The following ABCA13 variants were observed in gnomAD, a reference collection of about 807,000 sequenced individuals.
ABCA13 encodes ATP-binding cassette sub-family A member 13.
In ABCA13, 476 loss-of-function variants were observed where a neutral mutation model predicts 478.7. The ratio of observed to expected loss-of-function variants is 0.99; its 90% CI spans 0.92 to 1.07. The LOEUF (loss-of-function observed/expected upper bound fraction) is 1.07. ABCA13 is among the 50% of genes least tolerant of loss of function. The pLI is 0.00. For missense variants in ABCA13, 6,060 were observed against 5,910.6 expected (o/e 1.03, Z -0.83); for synonymous variants, 2,252 against 2,158.9 (o/e 1.04, Z -1.20).
chr7:48,311,670 C>T (rs1801799078), intron 24 of ABCA13, among the ~76,000 whole-genome samples: 1 of 152,168 alleles, frequency 6.6e-6, no homozygotes, highest in Admixed American at 6.5e-5. Context: ...ATGAAAATGA[C>T]ATCATCATTA....
chr7:48,219,222 C>T lies in ABCA13; in HGVS notation c.288-132C>T, dbSNP rs1786967736. 36 of 846,140 alleles carry T rather than the reference C, an allele frequency of 4.3e-5. No homozygotes were observed. The South Asian group carries it at 7.5e-4, about 18-fold the overall frequency. The allele number at this position is 846,140 out of a possible 1,614,324, so 52.4% of individuals were successfully genotyped here. On this transcript the variant is annotated intron_variant, in intron 3 of 61. Coordinates refer to ENST00000435803, the MANE Select transcript of ABCA13 (RefSeq NM_152701.5). ...ATGAGGGTCAGGTGAAATGGGCTCT[C>T]AGGGTAGATGATGAGAGTGTAAGTT...
intron 27 of ABCA13, among the ~76,000 whole-genome samples, chr7:48,334,488 C>T (rs1805914861): frequency 6.6e-6 from 1 of 152,126 alleles, no homozygotes; most frequent in African/African-American, 2.4e-5. Context: ...GTGCCTGCCA[C>T]CGTGCCCGGC....
intron 32 of ABCA13, among the ~76,000 whole-genome samples, chr7:48,370,263 A>G (rs1330161858): frequency 6.6e-6 from 1 of 152,168 alleles, no homozygotes; most frequent in African/African-American, 2.4e-5. Flanking sequence ...ACTTTGCTGA[A>G]TTTATTTATC....
intron 55 of ABCA13, among the ~76,000 whole-genome samples, chr7:48,539,559 T>C (rs1441770151): frequency 6.6e-6 from 1 of 152,178 alleles, no homozygotes; most frequent in Non-Finnish European, 1.5e-5. Context: ...CCTCAGAAAG[T>C]GACAGATTAG....
intron 5 of ABCA13, among the ~76,000 whole-genome samples, chr7:48,226,786 T>A (rs934883113): frequency 3.3e-5 from 5 of 152,168 alleles, no homozygotes. Context: ...ATCCAAAGGC[T>A]CTATACTATG....
intron 16 of ABCA13, among the ~76,000 whole-genome samples, chr7:48,270,842 A>G (rs907470281): frequency 2.0e-5 from 3 of 152,208 alleles, no homozygotes; most frequent in African/African-American, 7.2e-5. Flanking sequence ...ATAAAGGTCA[A>G]AAATTCCTTA....
chr7:48,224,342 G>A (rs917602830), intron 5 of ABCA13, among the ~76,000 whole-genome samples: 16 of 152,172 alleles, frequency 1.1e-4, no homozygotes, highest in Non-Finnish European at 1.6e-4. Flanking sequence ...CTTGTTCCAG[G>A]AAACATCTCA....
At position 48,472,494 on chromosome 7, in the gene ABCA13, G is replaced by A. The variant is rs143773957; in HGVS notation, c.12975+895G>A. On this transcript the variant is annotated intron_variant, in intron 45 of 61. Coordinates refer to ENST00000435803, the MANE Select transcript of ABCA13 (RefSeq NM_152701.5). ...AACAAAAAAGAAGCTCAAGTGAAAT[G>A]GCCTTATTGTCTAGGGTGTCAAATG... 5.9e-3 allele frequency among the ~76,000 whole-genome samples: 902 copies of A among 152,262 alleles called. 10 individuals carry two copies. Among genetic ancestry groups the A allele is most frequent in the Admixed American group, 0.025 (384 of 15,300 alleles).
intron 38 of ABCA13, among the ~76,000 whole-genome samples, chr7:48,393,181 G>A (rs1350061713): frequency 1.3e-5 from 2 of 152,202 alleles, no homozygotes; most frequent in African/African-American, 4.8e-5. Context: ...GGATTGGAGG[G>A]GAAGTGGAGC....
intron 15 of ABCA13, among the ~76,000 whole-genome samples, chr7:48,262,219 C>G (rs1408933724): frequency 6.6e-6 from 1 of 151,922 alleles, no homozygotes; most frequent in East Asian, 1.9e-4. Flanking sequence ...TTACTGGAAG[C>G]TCTGTATCAG....
intron 51 of ABCA13, among the ~76,000 whole-genome samples, chr7:48,515,954 C>T (rs1028846443): frequency 5.9e-5 from 9 of 152,080 alleles, no homozygotes; most frequent in African/African-American, 1.9e-4. Context: ...GCCACAGAGC[C>T]GACAAGTTCA....
intron 42 of ABCA13, among the ~76,000 whole-genome samples, chr7:48,446,027 C>A (rs1250118409): frequency 6.6e-6 from 1 of 152,180 alleles, no homozygotes; most frequent in African/African-American, 2.4e-5. Context: ...GTTGGCCACA[C>A]TGATGTGGCC....
intron 59 of ABCA13, among the ~76,000 whole-genome samples, chr7:48,617,766 C>T (rs1045466633): frequency 2.0e-5 from 3 of 152,150 alleles, no homozygotes; most frequent in Non-Finnish European, 4.4e-5. Flanking sequence ...TCAGCAAATT[C>T]GCCCGTGACA....
At chr7:48,572,776 T>G (rs1787802290) in intron 55 of ABCA13, among the ~76,000 whole-genome samples, 1 of 152,164 alleles carries the variant, frequency 6.6e-6, no homozygotes, top group Non-Finnish European at 1.5e-5. Context: ...GAAAATTGTT[T>G]CCAGCCTGTT....
In ABCA13 at chr7:48,543,493, G is replaced by A. The variant is rs146287159; in HGVS notation, c.14354+15148G>A. Among the ~76,000 whole-genome samples, 946 of 151,462 alleles carry A rather than the reference G, an allele frequency of 6.2e-3. 15 individuals carry two copies. Among genetic ancestry groups the A allele is most frequent in the African/African-American group, 0.022 (902 of 41,408 alleles). On this transcript the variant is annotated intron_variant, in intron 55 of 61. Coordinates refer to ENST00000435803, the MANE Select transcript of ABCA13 (RefSeq NM_152701.5). ...ACAAAAATTGGCTGAGCATGGTGGT[G>A]GGCACCTGTAATCCCAACTACTCGG... is the stretch of plus-strand genomic sequence containing the variant.
chr7:48,210,042 A>G (rs1055580246), intron 3 of ABCA13, among the ~76,000 whole-genome samples: 1 of 152,176 alleles, frequency 6.6e-6, no homozygotes, highest in Non-Finnish European at 1.5e-5. Context: ...TTTAAGATGC[A>G]TACTGTATTA....
intron 43 of ABCA13, among the ~76,000 whole-genome samples, chr7:48,457,680 C>T (rs1825821714): frequency 6.6e-6 from 1 of 152,188 alleles, no homozygotes; most frequent in Non-Finnish European, 1.5e-5. Context: ...CAGAGACATT[C>T]ACATGTCTGG....
chr7:48,512,977 A>C (rs1236838932), intron 51 of ABCA13, among the ~76,000 whole-genome samples: 3 of 152,182 alleles, frequency 2.0e-5, no homozygotes, highest in Non-Finnish European at 2.9e-5. Context: ...ACTGGGTGAC[A>C]TCCATGGGAA....
intron 44 of ABCA13, among the ~76,000 whole-genome samples, chr7:48,468,017 A>C (rs1335719278): frequency 3.3e-5 from 5 of 152,212 alleles, no homozygotes; most frequent in African/African-American, 1.2e-4. Context: ...CTGATGGAAT[A>C]CACAGGGTGT....
Sources: gnomAD v4.1 joint callset for allele counts (sites outside exome capture counted in the v4.1 genomes callset) on GRCh38, gnomAD v4.1.1 for gene constraint, MANE v1.5 for transcripts, NCBI Gene and HGNC (gene_info 2026-07-23, HGNC 2026-07-21) for gene names.